The following EGLN1 variants were observed in gnomAD, a reference collection of about 807,000 sequenced individuals.
EGLN1 encodes egl nine homolog 1.
A neutral mutation model predicts 38.3 loss-of-function variants in EGLN1; 17 were observed. The observed-to-expected ratio is 0.44, with a 90% CI of 0.30 to 0.67. The LOEUF (loss-of-function observed/expected upper bound fraction) is 0.67, where lower values mean the gene tolerates loss of function less well. Ranked by LOEUF, EGLN1 falls within the 30% of genes least tolerant of loss-of-function variation. The probability of loss-of-function intolerance (pLI) is 0.08; values close to 1 mark genes in which losing one functional copy is unlikely to be tolerated. For missense variants in EGLN1, 477 were observed against 603.3 expected (o/e 0.79, Z 2.19); for synonymous variants, 283 against 257.5 (o/e 1.10, Z -0.95).
chr1:231,373,440 AG>A (rs1477180424), intron 2 of EGLN1, among the ~76,000 whole-genome samples: 2 of 152,246 alleles, frequency 1.3e-5, no homozygotes, highest in Non-Finnish European at 2.9e-5. Flanking sequence ...TAAAAAAGTT[AG>A]ATTTTAGATA....
chr1:231,405,405 C>T (rs1390657074), intron 1 of EGLN1, among the ~76,000 whole-genome samples: 1 of 152,196 alleles, frequency 6.6e-6, no homozygotes, highest in East Asian at 1.9e-4. Context: ...TCTCGATCTC[C>T]TGACCTCGTG....
At chr1:231,383,775 C>T (rs1688129595) in intron 1 of EGLN1, among the ~76,000 whole-genome samples, 1 of 151,930 alleles carries the variant, frequency 6.6e-6, no homozygotes, top group African/African-American at 2.4e-5. Flanking sequence ...GTAAGAATCG[C>T]TTGGGTTACT....
rs1413663903 is a variant in EGLN1, at chr1:231,367,768, T to G, written c.1149-132A>C. On this transcript the variant is annotated intron_variant, in intron 3 of 4. Transcript: ENST00000366641. ...CTGGAATGATATCAAAGGATAAATTTAACAGCTTATTTATACAGTAACCAG... is the reference window on the plus strand; with the variant it reads ...CTGGAATGATATCAAAGGATAAATTGAACAGCTTATTTATACAGTAACCAG... 1.5e-4 allele frequency: 113 copies of G among 776,122 alleles called. 2 individuals carry two copies. The South Asian group carries it at 1.6e-3, about 11-fold the overall frequency. 48.1% of individuals were successfully genotyped at this position (776,122 alleles called of 1,614,324 possible). A position where few individuals can be genotyped will look rare whatever the true frequency, so the allele number is the denominator to read the frequency against.
chr1:231,375,158 C>T (rs765163217), intron 1 of EGLN1, among the ~76,000 whole-genome samples: 5 of 152,096 alleles, frequency 3.3e-5, no homozygotes, highest in Non-Finnish European at 7.4e-5. Context: ...CAGGTTCAAG[C>T]GATTCTCCTG....
intron 3 of EGLN1, among the ~76,000 whole-genome samples, chr1:231,369,394 A>G (rs532946947): frequency 3.9e-5 from 6 of 152,194 alleles, no homozygotes; most frequent in Non-Finnish European, 8.8e-5. Flanking sequence ...CAAACTCAGG[A>G]TTTCATAAAA....
At chr1:231,415,598 T>A (rs1355643611) in intron 1 of EGLN1, among the ~76,000 whole-genome samples, 1 of 152,220 alleles carries the variant, frequency 6.6e-6, no homozygotes, top group African/African-American at 2.4e-5. Context: ...GCAAATTTTT[T>A]AAATGGGAGA....
At chr1:231,373,404 A>G (rs1687877181) in intron 2 of EGLN1, among the ~76,000 whole-genome samples, 1 of 152,214 alleles carries the variant, frequency 6.6e-6, no homozygotes, top group African/African-American at 2.4e-5. Flanking sequence ...ATTAAAAGGA[A>G]AATATTTTAA....
intron 1 of EGLN1, among the ~76,000 whole-genome samples, chr1:231,375,601 G>C (rs1312092357): frequency 1.3e-5 from 2 of 152,110 alleles, no homozygotes; most frequent in Non-Finnish European, 2.9e-5. Context: ...AGAATTTTTG[G>C]AGAACATTAT....
intron 1 of EGLN1, among the ~76,000 whole-genome samples, chr1:231,377,076 A>T (rs115144158): frequency 0.011 from 1,617 of 152,352 alleles, 12 homozygotes; most frequent in South Asian, 0.037. Context: ...ATCAGTTTCA[A>T]GTCTGTATGA....
At chr1:231,409,104 A>G (rs1022993755) in intron 1 of EGLN1, among the ~76,000 whole-genome samples, 1 of 152,154 alleles carries the variant, frequency 6.6e-6, no homozygotes, top group Non-Finnish European at 1.5e-5. Context: ...CTAATAGGAA[A>G]TTAGTTTTAA....
intron 1 of EGLN1, among the ~76,000 whole-genome samples, chr1:231,408,231 T>C (rs189989937): frequency 6.6e-6 from 1 of 152,278 alleles, no homozygotes; most frequent in East Asian, 1.9e-4. Context: ...CTAAAGGGTG[T>C]AGAAGATCTG....
chr1:231,387,919 A>G (rs920546649), intron 1 of EGLN1, among the ~76,000 whole-genome samples: 11 of 152,108 alleles, frequency 7.2e-5, no homozygotes, highest in Admixed American at 6.5e-4. Flanking sequence ...TCTTTGATCC[A>G]CAGTTTTCTG....
At chr1:231,418,429 A>G (rs936560831) in intron 1 of EGLN1, among the ~76,000 whole-genome samples, 1 of 152,228 alleles carries the variant, frequency 6.6e-6, no homozygotes, top group Non-Finnish European at 1.5e-5. Flanking sequence ...TAGCGTAGTT[A>G]AAAAAGAGCA....
At chr1:231,409,140 A>T (rs1485495456) in intron 1 of EGLN1, among the ~76,000 whole-genome samples, 2 of 152,032 alleles carry the variant, frequency 1.3e-5, no homozygotes, top group African/African-American at 4.8e-5. Context: ...AAACTGATAA[A>T]GGAAAGTATG....
At chr1:231,406,455 T>A (rs915047189) in intron 1 of EGLN1, among the ~76,000 whole-genome samples, 1 of 152,094 alleles carries the variant, frequency 6.6e-6, no homozygotes, top group African/African-American at 2.4e-5. Context: ...GTAGTTTCCA[T>A]CCTGGTATAT....
chr1:231,377,120 A>G (rs1687980983), intron 1 of EGLN1, among the ~76,000 whole-genome samples: 1 of 152,222 alleles, frequency 6.6e-6, no homozygotes, highest in African/African-American at 2.4e-5. Context: ...AATATCTCTT[A>G]CCACCTAACA....
At chr1:231,385,171 A>G (rs1269247528) in intron 1 of EGLN1, among the ~76,000 whole-genome samples, 1 of 152,208 alleles carries the variant, frequency 6.6e-6, no homozygotes, top group South Asian at 2.1e-4. Flanking sequence ...GTTTTGGTTT[A>G]AGCAATAGGG....
intron 1 of EGLN1, among the ~76,000 whole-genome samples, chr1:231,397,354 TA>T (rs5781650): frequency 0.032 from 4,884 of 152,254 alleles, 265 homozygotes; most frequent in African/African-American, 0.11. Flanking sequence ...AATAACTGAG[TA>T]AAATTACGTT....
chr1:231,406,529 T>C (rs895288685), intron 1 of EGLN1, among the ~76,000 whole-genome samples: 1 of 152,066 alleles, frequency 6.6e-6, no homozygotes, highest in Non-Finnish European at 1.5e-5. Context: ...CAGAAGTCCA[T>C]AGGATATACA....
Sources: gnomAD v4.1 joint callset for allele counts (sites outside exome capture counted in the v4.1 genomes callset) on GRCh38, gnomAD v4.1.1 for gene constraint, MANE v1.5 for transcripts, NCBI Gene and HGNC (gene_info 2026-07-23, HGNC 2026-07-21) for gene names.